The following SOX6 variants were observed in gnomAD, a reference collection of about 807,000 sequenced individuals.
SOX6 encodes transcription factor SOX-6.
A neutral mutation model predicts 97.8 loss-of-function variants in SOX6; 11 were observed. The ratio of observed to expected loss-of-function variants is 0.11; its 90% CI spans 0.07 to 0.19. The LOEUF (loss-of-function observed/expected upper bound fraction) is 0.19. Ranked by LOEUF, SOX6 falls within the 10% of genes least tolerant of loss-of-function variation. The pLI is 1.00. For missense variants in SOX6, 810 were observed against 1,039.5 expected, an observed-to-expected ratio of 0.78 and a Z score of 3.04; for synonymous variants, 360 against 371.4, an observed-to-expected ratio of 0.97 and a Z score of 0.35.
chr11:16,403,617 ATAAGAGACAGTCTTTTC>A (rs1197162885), intron 1 of SOX6, among the ~76,000 whole-genome samples: 1 of 151,744 alleles, frequency 6.6e-6, no homozygotes, highest in Non-Finnish European at 1.5e-5. Flanking sequence ...GTAACATAAG[ATAAGAGACAGTCTTTTC>A]TAACTACAGT....
chr11:16,478,679 T>C (rs1860294206), upstream of SOX6, among the ~76,000 whole-genome samples: 1 of 152,226 alleles, frequency 6.6e-6, no homozygotes, highest in South Asian at 2.1e-4. Context: ...TAATGCATAG[T>C]TCTGCATGCA....
intron 4 of SOX6, among the ~76,000 whole-genome samples, chr11:16,569,975 A>T (rs1254363623): frequency 6.6e-6 from 1 of 152,104 alleles, no homozygotes; most frequent in Non-Finnish European, 1.5e-5. Context: ...AGTTAATATA[A>T]GCCCAAAGAA....
At chr11:16,301,779 G>T (rs771631980) in intron 3 of SOX6, among the ~76,000 whole-genome samples, 2 of 151,914 alleles carry the variant, frequency 1.3e-5, no homozygotes, top group Non-Finnish European at 2.9e-5. Context: ...TTTGAAGTGA[G>T]TATCTAAGAA....
intron 3 of SOX6, among the ~76,000 whole-genome samples, chr11:16,672,285 C>T (rs904478411): frequency 3.3e-5 from 5 of 152,152 alleles, no homozygotes; most frequent in African/African-American, 1.2e-4. Flanking sequence ...CAGGATCAAA[C>T]CCACACATAT....
chr11:16,500,031 C>T (rs1397692072), intron 4 of SOX6, among the ~76,000 whole-genome samples: 1 of 152,174 alleles, frequency 6.6e-6, no homozygotes, highest in Non-Finnish European at 1.5e-5. Context: ...AGACCAATAT[C>T]CCTGATGAAC....
intron 3 of SOX6, among the ~76,000 whole-genome samples, chr11:16,286,167 G>A (rs556110004): frequency 1.3e-5 from 2 of 152,228 alleles, no homozygotes; most frequent in Admixed American, 6.5e-5. Context: ...ATAAGAGAAT[G>A]TCTTTTACAG....
chr11:16,515,200 C>T (rs1251991208), intron 4 of SOX6, among the ~76,000 whole-genome samples: 1 of 152,026 alleles, frequency 6.6e-6, no homozygotes, highest in East Asian at 1.9e-4. Context: ...ACATCCTCTC[C>T]AGCACCTGTT....
intron 4 of SOX6, among the ~76,000 whole-genome samples, chr11:16,560,418 C>T (rs554044950): frequency 4.1e-5 from 5 of 121,896 alleles, no homozygotes; most frequent in Admixed American, 8.0e-5. Context: ...TACATATATA[C>T]GTACATATGT....
intron 3 of SOX6, among the ~76,000 whole-genome samples, chr11:16,306,418 T>C (rs1855434199): frequency 6.6e-6 from 1 of 152,130 alleles, no homozygotes; most frequent in Non-Finnish European, 1.5e-5. Flanking sequence ...TGCCAGTCAG[T>C]AGAAGATTAG....
chr11:16,712,307 CTTT>C (rs2134048409), intron 3 of SOX6, among the ~76,000 whole-genome samples: 1 of 152,272 alleles, frequency 6.6e-6, no homozygotes, highest in East Asian at 1.9e-4. Context: ...CCTTTTAGTT[CTTT>C]AAGGAATCTC....
chr11:16,373,121 T>A (rs297330), intron 1 of SOX6, among the ~76,000 whole-genome samples: 151,542 of 152,254 alleles, frequency 1, 75,423 homozygotes, highest in Middle Eastern at 1. Context: ...ATACATATAC[T>A]TCTATAAGCA....
At chr11:16,176,512 A>G (rs1348800081) in intron 6 of SOX6, among the ~76,000 whole-genome samples, 1 of 151,850 alleles carries the variant, frequency 6.6e-6, no homozygotes, top group African/African-American at 2.4e-5. Flanking sequence ...AGTATAATTA[A>G]CTGTCTAAAA....
chr11:16,118,228 T>A (rs1849401180), intron 6 of SOX6, among the ~76,000 whole-genome samples: 1 of 152,198 alleles, frequency 6.6e-6, no homozygotes, highest in Admixed American at 6.5e-5. Context: ...ATGAAAGGAA[T>A]AAACTACCCC....
chr11:16,297,397 T>C (rs1413497860), intron 3 of SOX6, among the ~76,000 whole-genome samples: 1 of 152,186 alleles, frequency 6.6e-6, no homozygotes, highest in Non-Finnish European at 1.5e-5. Flanking sequence ...TCGGTAATAT[T>C]TTTAAGCAGT....
intron 3 of SOX6, among the ~76,000 whole-genome samples, chr11:16,654,693 T>G (rs1242013180): frequency 6.6e-6 from 1 of 152,220 alleles, no homozygotes; most frequent in Non-Finnish European, 1.5e-5. Flanking sequence ...AGGCTAATAC[T>G]TGTATCCTTC....
chr11:16,224,146 T>A (rs1837095), intron 4 of SOX6, among the ~76,000 whole-genome samples: 65,551 of 151,750 alleles, frequency 0.43, 14,497 homozygotes, highest in South Asian at 0.6. Flanking sequence ...ATAATTGAAA[T>A]TTTTGAAACC....
chr11:16,265,164 C>T (rs1379570308), intron 3 of SOX6, among the ~76,000 whole-genome samples: 2 of 151,854 alleles, frequency 1.3e-5, no homozygotes, highest in Admixed American at 1.3e-4. Context: ...AGAGGGGTCC[C>T]TTGAGTGCTC....
intron 4 of SOX6, among the ~76,000 whole-genome samples, chr11:16,591,344 TAGATAGAC>T (rs79930805): frequency 0.13 from 15,983 of 120,534 alleles, 876 homozygotes; most frequent in African/African-American, 0.17. Flanking sequence ...GATAGATAGA[TAGATAGAC>T]AGATAGATAG....
chr11:16,614,619 C>A (rs1444569549), intron 3 of SOX6, among the ~76,000 whole-genome samples: 1 of 152,150 alleles, frequency 6.6e-6, no homozygotes, highest in Non-Finnish European at 1.5e-5. Flanking sequence ...TAAAAGAATG[C>A]CAGGCTTAAG....
Sources: allele counts gnomAD v4.1 joint callset (sites outside exome capture counted in the v4.1 genomes callset), GRCh38; gene constraint gnomAD v4.1.1; transcripts MANE v1.5; gene names NCBI Gene and HGNC (gene_info 2026-07-23, HGNC 2026-07-21).